The following GREB1L variants were observed in gnomAD, a reference collection of about 807,000 sequenced individuals.
GREB1L encodes the protein GREB1-like protein.
In GREB1L, 17 loss-of-function variants were observed where a neutral mutation model predicts 200.8. That is an observed-to-expected ratio of 0.08 (90% CI 0.06 to 0.13). The LOEUF (loss-of-function observed/expected upper bound fraction) is 0.13. Among genes scored for constraint, GREB1L ranks in the 10% least tolerant of loss-of-function variants. The pLI is 1.00. For missense variants in GREB1L, 1,657 were observed against 2,367.7 expected, an observed-to-expected ratio of 0.70 and a Z score of 6.23; for synonymous variants, 789 against 893.0, an observed-to-expected ratio of 0.88 and a Z score of 2.08.
chr18:21,516,526 T>C (rs2037423076), intron 29 of GREB1L, 87 bp from the exon 30 acceptor site: 4 of 1,298,910 alleles, frequency 3.1e-6, no homozygotes, highest in Non-Finnish European at 4.2e-6. Flanking sequence ...GCTCCTAATA[T>C]CTTGCCACAC....
intron 1 of GREB1L, among the ~76,000 whole-genome samples, chr18:21,319,714 C>A (rs1270299356): frequency 6.6e-6 from 1 of 152,186 alleles, no homozygotes; most frequent in Non-Finnish European, 1.5e-5. Context: ...TAAACCAGGG[C>A]ATGGGTAGAG....
intron 1 of GREB1L, among the ~76,000 whole-genome samples, chr18:21,294,452 AAATAAT>A (rs1014970209): frequency 1.3e-5 from 2 of 151,860 alleles, no homozygotes; most frequent in Non-Finnish European, 2.9e-5. Flanking sequence ...TTTGAAAACA[AAATAAT>A]AATAATAATA....
At chr18:21,469,893 A>G (rs906779277) in intron 15 of GREB1L, among the ~76,000 whole-genome samples, 1 of 152,196 alleles carries the variant, frequency 6.6e-6, no homozygotes, top group African/African-American at 2.4e-5. Context: ...TTCCAGTGAG[A>G]CAAACCTCTC....
chr18:21,501,258 TTTTAA>T (rs559200308), intron 23 of GREB1L, among the ~76,000 whole-genome samples: 2 of 151,580 alleles, frequency 1.3e-5, no homozygotes, highest in South Asian at 4.2e-4. Context: ...GTTTTTTTTT[TTTTAA>T]TTTAAGTTCT....
intron 15 of GREB1L, among the ~76,000 whole-genome samples, chr18:21,460,774 G>GA (rs1013446166): frequency 1.3e-5 from 2 of 151,442 alleles, no homozygotes; most frequent in African/African-American, 2.4e-5. Flanking sequence ...CCCACCCAAA[G>GA]AAAAAAACAA....
intron 15 of GREB1L, chr18:21,468,789 A>G (rs1335745644): frequency 7.0e-5 from 32 of 456,452 alleles, no homozygotes; most frequent in Non-Finnish European, 2.2e-5. Flanking sequence ...AATCTATGAC[A>G]TTTCTTCAGT....
At chr18:21,286,194 T>G (rs1314482869) in intron 1 of GREB1L, among the ~76,000 whole-genome samples, 1 of 152,152 alleles carries the variant, frequency 6.6e-6, no homozygotes, top group Non-Finnish European at 1.5e-5. Flanking sequence ...TCAGAAGCAG[T>G]GGTTTAGAGG....
chr18:21,431,719 TA>T (rs575052212), intron 7 of GREB1L, among the ~76,000 whole-genome samples: 457 of 152,268 alleles, frequency 3.0e-3, no homozygotes, highest in Middle Eastern at 6.8e-3. Context: ...GGTATTGAAG[TA>T]CCCAACCCTT....
At position 21,505,987 on chromosome 18, in the gene GREB1L, G is replaced by A. The variant is rs2036999343; in HGVS notation, c.4368+38G>A. ...CTTCGCCCTCGCCCTCTGTCACCCA[G>A]TATGGATTTTGTATGTAAGGGTGGG... On this transcript the variant is annotated intron_variant, in intron 25 of 32. Transcript: ENST00000424526. 2.0e-6 allele frequency: 3 copies of A among 1,530,764 alleles called. No individual in the cohort carries two copies. In the South Asian group the frequency reaches 3.7e-5, roughly 19 times the overall value. 94.8% of individuals were successfully genotyped at this position (1,530,764 alleles called of 1,614,324 possible).
chr18:21,350,033 T>G (rs2039410504), intron 1 of GREB1L, among the ~76,000 whole-genome samples: 2 of 152,106 alleles, frequency 1.3e-5, no homozygotes, highest in Non-Finnish European at 2.9e-5. Flanking sequence ...TGCTACATCC[T>G]ATGAGCTTTT....
chr18:21,311,352 T>C (rs2038787216), intron 1 of GREB1L, among the ~76,000 whole-genome samples: 1 of 152,172 alleles, frequency 6.6e-6, no homozygotes, highest in African/African-American at 2.4e-5. Context: ...TCAGACAATA[T>C]AAATAGTTAA....
chr18:21,248,920 C>G (rs888221288), intron 1 of GREB1L, among the ~76,000 whole-genome samples: 1 of 151,980 alleles, frequency 6.6e-6, no homozygotes, highest in African/African-American at 2.4e-5. Flanking sequence ...CAGTGCTGGT[C>G]TAAACTCTTT....
intron 19 of GREB1L, among the ~76,000 whole-genome samples, chr18:21,494,629 A>AC (rs1452443953): frequency 1.8e-4 from 28 of 152,188 alleles, no homozygotes. Context: ...AAAAAAAAAA[A>AC]AATTGTATGT....
chr18:21,449,106 T>G (rs934452807), intron 11 of GREB1L, among the ~76,000 whole-genome samples: 6 of 152,216 alleles, frequency 3.9e-5, no homozygotes, highest in Admixed American at 3.3e-4. Flanking sequence ...AAACTTAAAA[T>G]CGGTTATATA....
chr18:21,452,381 A>T (rs1568023438), intron 14 of GREB1L, 164 bp downstream of exon 14: 1 of 665,896 alleles, frequency 1.5e-6, no homozygotes, highest in Non-Finnish European at 2.4e-6. Flanking sequence ...ATGCTTTCCC[A>T]TGTGGCCTGG....
At chr18:21,282,742 G>A (rs1413245025) in intron 1 of GREB1L, among the ~76,000 whole-genome samples, 1 of 152,062 alleles carries the variant, frequency 6.6e-6, no homozygotes, top group Non-Finnish European at 1.5e-5. Context: ...TGGGACTATA[G>A]GCGCCTGCCA....
intron 1 of GREB1L, among the ~76,000 whole-genome samples, chr18:21,299,943 G>A (rs1374446252): frequency 6.6e-6 from 1 of 152,048 alleles, no homozygotes; most frequent in East Asian, 1.9e-4. Flanking sequence ...GCTAGAGCTT[G>A]ACCAGAAAGA....
intron 28 of GREB1L, among the ~76,000 whole-genome samples, chr18:21,514,271 C>T (rs1197933499): frequency 2.0e-5 from 3 of 152,166 alleles, no homozygotes; most frequent in African/African-American, 7.2e-5. Context: ...AATTCCAGCA[C>T]TTTGAGAGGC....
chr18:21,402,911 A>G (rs2041377686), intron 6 of GREB1L, among the ~76,000 whole-genome samples: 1 of 151,034 alleles, frequency 6.6e-6, no homozygotes, highest in Non-Finnish European at 1.5e-5. Context: ...ATTTATTTAT[A>G]TAATTTATAT....
Sources: gnomAD v4.1 joint callset for allele counts (sites outside exome capture counted in the v4.1 genomes callset) on GRCh38, gnomAD v4.1.1 for gene constraint, MANE v1.5 for transcripts, NCBI Gene and HGNC (gene_info 2026-07-23, HGNC 2026-07-21) for gene names.